Variants in CCDC33 observed in about 807,000 individuals in gnomAD.
The protein encoded by CCDC33 is coiled-coil domain containing 33, also known as coiled-coil domain-containing protein 33.
CCDC33 carries 94 observed loss-of-function variants against 91.9 expected under a neutral mutation model. The observed-to-expected ratio is 1.02, with a 90% CI of 0.87 to 1.21. CCDC33 has a LOEUF of 1.21. CCDC33 is among the 50% of genes most tolerant of loss of function. The pLI, the probability that CCDC33 is intolerant of heterozygous loss-of-function variation, is 0.00. For synonymous variants in CCDC33, 396 were observed against 374.5 expected (o/e 1.06, Z -0.66); for missense variants, 940 against 935.5 (o/e 1.00, Z -0.06).
At position 74,244,189 on chromosome 15, in the gene CCDC33, G is replaced by A. The variant is rs2075445142; in HGVS notation, c.185+41G>A. 1.3e-6 allele frequency: 2 copies of A among 1,580,434 alleles called. No individual in the cohort carries two copies. Among genetic ancestry groups the A allele is most frequent in the South Asian group, 1.2e-5 (1 of 86,842 alleles). On this transcript the variant is annotated intron_variant, in intron 2 of 18. Coordinates refer to ENST00000398814, the MANE Select transcript of CCDC33 (RefSeq NM_025055.5). The surrounding 1 kb of genome is among the most constrained non-coding windows in gnomAD (Gnocchi z 4.2). ...AGAGTGGGGGCAGGGGATGGGTTGG[G>A]CTGTGAGCAGAAACCAGGGGACAGC... is the stretch of plus-strand genomic sequence containing the variant.
At chr15:74,283,950 T>C (rs1431475640) in intron 10 of CCDC33, among the ~76,000 whole-genome samples, 1 of 152,162 alleles carries the variant, frequency 6.6e-6, no homozygotes, top group African/African-American at 2.4e-5. Context: ...CTCACATACA[T>C]GCAAACTGAC....
intron 11 of CCDC33, among the ~76,000 whole-genome samples, chr15:74,328,715 G>A (rs1334553914): frequency 6.6e-6 from 1 of 152,196 alleles, no homozygotes; most frequent in Non-Finnish European, 1.5e-5. Flanking sequence ...GCTGCCAGGA[G>A]ACCCCTGCTC....
At position 74,330,214 on chromosome 15, in the gene CCDC33, T is replaced by C. The variant is rs2060399610; in HGVS notation, c.1316T>C (p.Met439Thr). The change falls in exon 12 of 19, where the codon ATG (methionine) becomes ACG (threonine). Residue 439 changes from methionine to threonine, a missense_variant. By Grantham distance (81) the Met-to-Thr change is moderately conservative. Coordinates refer to ENST00000398814, the MANE Select transcript of CCDC33 (RefSeq NM_025055.5). ...DTEMNNYRRAMQKMAEDILSL... is the reference protein window; with the variant it reads ...DTEMNNYRRATQKMAEDILSL... The stretch of plus-strand genomic sequence containing the variant: ...GAGATGAACAACTACCGGCGGGCCA[T>C]GCAGAAGATGGCAGAGGACATCCTG... The C allele has an allele frequency of 2.5e-6, 4 of 1,609,884 alleles. No individual in the cohort carries two copies. The highest frequency in any genetic ancestry group is 2.7e-5 in the African/African-American group (2 of 74,704).
chr15:74,267,839 C>T (rs1566983176), intron 4 of CCDC33, among the ~76,000 whole-genome samples: 2 of 152,116 alleles, frequency 1.3e-5, no homozygotes, highest in South Asian at 2.1e-4. Flanking sequence ...TGGTCAGTTA[C>T]CCTCCCCCAT....
chr15:74,264,353 A>G (rs1267965154), intron 3 of CCDC33, among the ~76,000 whole-genome samples: 1 of 152,214 alleles, frequency 6.6e-6, no homozygotes, highest in East Asian at 1.9e-4. Context: ...CACAAAGGGA[A>G]CGGTGGGAGG....
Position 74,218,828 on chromosome 15 carries a change from A to G in CCDC33, c.642A>G (p.Ser214=). ...GGGCTGGCCAGCCAGAACTGATGTC[A>G]CCATGCCCAGAGCCCCAGCTCCCCA... is the stretch of plus-strand genomic sequence containing the variant. Residue 214 remains serine, a synonymous_variant, in exon 2 of 3, where the codon TCA becomes TCG. Transcript: ENST00000635913. This position sits in a 1 kb window ranked among gnomAD's most constrained non-coding sequence, Gnocchi z 4.8. The G allele has an allele frequency of 7.9e-7, 1 of 1,263,330 alleles. No individual in the cohort carries two copies. Among genetic ancestry groups the G allele is most frequent in the African/African-American group, 1.5e-5 (1 of 65,148 alleles). The allele number at this position is 1,263,330 out of a possible 1,614,324, so 78.3% of individuals were successfully genotyped here.
chr15:74,261,927 A>G (rs966449650), intron 2 of CCDC33, among the ~76,000 whole-genome samples: 2 of 152,222 alleles, frequency 1.3e-5, no homozygotes, highest in African/African-American at 4.8e-5. Context: ...TGCGTGCTTC[A>G]TTGCAAGCAT....
upstream of CCDC33, among the ~76,000 whole-genome samples, chr15:74,235,178 C>G (rs1365089207): frequency 6.6e-6 from 1 of 152,214 alleles, no homozygotes; most frequent in Non-Finnish European, 1.5e-5. Flanking sequence ...CCACTCTTGG[C>G]AGGCCTAGAC....
chr15:74,307,515 C>G (rs553400478), intron 11 of CCDC33, among the ~76,000 whole-genome samples: 1 of 152,132 alleles, frequency 6.6e-6, no homozygotes, highest in African/African-American at 2.4e-5. Context: ...GGTTGGGGGT[C>G]TCCAGCCTAG....
At chr15:74,252,099 A>G (rs2075728505) in intron 2 of CCDC33, among the ~76,000 whole-genome samples, 1 of 152,226 alleles carries the variant, frequency 6.6e-6, no homozygotes, top group South Asian at 2.1e-4. Context: ...TGCAGGATCC[A>G]GGATTTCAAA....
chr15:74,310,877 G>C (rs2059980741), intron 11 of CCDC33, among the ~76,000 whole-genome samples: 1 of 152,236 alleles, frequency 6.6e-6, no homozygotes, highest in African/African-American at 2.4e-5. Flanking sequence ...CTGCCTTGAG[G>C]CTCAAGCCTC....
At chr15:74,294,095 G>A (rs1289028488) in intron 10 of CCDC33, among the ~76,000 whole-genome samples, 1 of 152,234 alleles carries the variant, frequency 6.6e-6, no homozygotes, top group East Asian at 1.9e-4. Flanking sequence ...AGGCCCACCT[G>A]CATTCATTCC....
At chr15:74,231,946 G>A (rs1391874510), upstream of CCDC33, among the ~76,000 whole-genome samples, 3 of 152,182 alleles carry the variant, frequency 2.0e-5, no homozygotes, top group Admixed American at 6.5e-5. Flanking sequence ...CCCAGGAGGC[G>A]GAGGTTGCAG....
intron 11 of CCDC33, chr15:74,300,671 T>G (rs2059777061): frequency 6.6e-6 from 1 of 152,240 alleles, no homozygotes; most frequent in African/African-American, 2.4e-5. Flanking sequence ...CGACTTCAGC[T>G]TAATAGGAAA....
Position 74,331,249 on chromosome 15 carries a change from G to A in CCDC33, c.1724G>A (p.Arg575Lys). ...ERVLEDRLQD[R>K]SKPPPLNRQQ... ...GTGCTGGAGGACAGGCTGCAGGACA[G>A]GAGCAAGCCCCCTCCTCTGAACAGG... Residue 575 changes from arginine to lysine, a missense_variant, in exon 15 of 19, where the codon AGG becomes AAG. Coordinates refer to ENST00000398814, the MANE Select transcript of CCDC33 (RefSeq NM_025055.5). 1 of 1,614,172 alleles carries A rather than the reference G, an allele frequency of 6.2e-7. No homozygotes were observed. Among genetic ancestry groups the A allele is most frequent in the Non-Finnish European group, 8.5e-7 (1 of 1,180,008 alleles).
chr15:74,312,780 C>T (rs536144799), intron 11 of CCDC33, among the ~76,000 whole-genome samples: 7 of 152,144 alleles, frequency 4.6e-5, no homozygotes, highest in Admixed American at 2.6e-4. Flanking sequence ...CTGTCTCCCC[C>T]CTCAGTCTAG....
At chr15:74,322,669 G>A (rs902554397) in intron 11 of CCDC33, among the ~76,000 whole-genome samples, 9 of 152,184 alleles carry the variant, frequency 5.9e-5, no homozygotes, top group Admixed American at 1.3e-4. Context: ...AGACAGCTCC[G>A]CACACACCTT....
chr15:74,318,816 C>T (rs755372954), intron 11 of CCDC33, among the ~76,000 whole-genome samples: 1 of 152,220 alleles, frequency 6.6e-6, no homozygotes, highest in Non-Finnish European at 1.5e-5. Context: ...CCCTTAGATG[C>T]CCGTGGTCAC....
At chr15:74,284,723 G>A (rs1431113649) in intron 10 of CCDC33, among the ~76,000 whole-genome samples, 1 of 152,200 alleles carries the variant, frequency 6.6e-6, no homozygotes, top group African/African-American at 2.4e-5. Context: ...GACATGATAC[G>A]GAGTCCTTGA....
Sources: gnomAD v4.1 joint callset for allele counts (sites outside exome capture counted in the v4.1 genomes callset) on GRCh38, gnomAD v4.1.1 for gene constraint, Gnocchi (gnomAD v3.1) non-coding constraint, MANE v1.5 for transcripts, NCBI Gene and HGNC (gene_info 2026-07-23, HGNC 2026-07-21) for gene names.